Variants in CNTNAP2 observed in about 807,000 individuals in gnomAD.
CNTNAP2 encodes the protein contactin associated protein 2.
In CNTNAP2, 98 loss-of-function variants were observed where a neutral mutation model predicts 155.2. That is an observed-to-expected ratio of 0.63 (90% CI 0.54 to 0.75). The LOEUF (loss-of-function observed/expected upper bound fraction) is 0.75, where lower values mean the gene tolerates loss of function less well. CNTNAP2 is among the 30% of genes least tolerant of loss of function. The pLI is 0.00. For synonymous variants in CNTNAP2, 651 were observed against 631.2 expected, an observed-to-expected ratio of 1.03 and a Z score of -0.47; for missense variants, 1,727 against 1,688.1, an observed-to-expected ratio of 1.02 and a Z score of -0.40.
intron 1 of CNTNAP2, among the ~76,000 whole-genome samples, chr7:146,575,666 T>C (rs1237734172): frequency 1.3e-5 from 2 of 152,196 alleles, no homozygotes; most frequent in Non-Finnish European, 2.9e-5. Context: ...TGCCAACTTT[T>C]AAAACTGAAA....
At chr7:147,074,391 G>A (rs1458913086) in intron 4 of CNTNAP2, among the ~76,000 whole-genome samples, 1 of 152,064 alleles carries the variant, frequency 6.6e-6, no homozygotes, top group East Asian at 1.9e-4. Context: ...ATATGGCACT[G>A]CTACCAATCC....
intron 1 of CNTNAP2, among the ~76,000 whole-genome samples, chr7:146,401,225 T>C (rs979235355): frequency 3.9e-5 from 6 of 152,118 alleles, no homozygotes; most frequent in Admixed American, 3.9e-4. Flanking sequence ...AATCACTTTG[T>C]AGAATAAAAG....
chr7:148,200,408 T>TC (rs1554402877), intron 18 of CNTNAP2, among the ~76,000 whole-genome samples: 25 of 140,780 alleles, frequency 1.8e-4, no homozygotes, highest in Non-Finnish European at 2.9e-4. Flanking sequence ...TTTCTCTCTC[T>TC]TTTTTTTTTT....
At chr7:148,286,517 C>T (rs558625108) in intron 21 of CNTNAP2, among the ~76,000 whole-genome samples, 1 of 152,128 alleles carries the variant, frequency 6.6e-6, no homozygotes, top group African/African-American at 2.4e-5. Flanking sequence ...TTTTGTGGGC[C>T]TAATTACTAT....
intron 1 of CNTNAP2, among the ~76,000 whole-genome samples, chr7:146,165,663 A>G (rs1798301479): frequency 6.6e-6 from 1 of 152,218 alleles, no homozygotes; most frequent in East Asian, 1.9e-4. Context: ...TATGTCTTCA[A>G]TTAAAATCCC....
intron 1 of CNTNAP2, among the ~76,000 whole-genome samples, chr7:146,272,674 GCA>G (rs905700084): frequency 1.3e-5 from 2 of 152,016 alleles, no homozygotes; most frequent in East Asian, 3.9e-4. Flanking sequence ...GTGTGTATGT[GCA>G]CACACACATC....
chr7:146,900,380 C>T (rs115850715), intron 3 of CNTNAP2, among the ~76,000 whole-genome samples: 51 of 152,316 alleles, frequency 3.3e-4, no homozygotes, highest in African/African-American at 1.1e-3. Flanking sequence ...TGCTTCTAGT[C>T]CTGACCATCT....
intron 9 of CNTNAP2, among the ~76,000 whole-genome samples, chr7:147,348,556 C>A (rs1795917332): frequency 6.6e-6 from 1 of 151,828 alleles, no homozygotes; most frequent in African/African-American, 2.4e-5. Context: ...GGAATGTAAG[C>A]TAGTACAGCC....
At chr7:146,229,532 A>G (rs1421580834) in intron 1 of CNTNAP2, among the ~76,000 whole-genome samples, 4 of 152,150 alleles carry the variant, frequency 2.6e-5, no homozygotes, top group Admixed American at 6.6e-5. Context: ...CCTAGGTTAC[A>G]AGGTAATCCA....
At chr7:147,223,159 T>C (rs1357365608) in intron 8 of CNTNAP2, among the ~76,000 whole-genome samples, 1 of 152,212 alleles carries the variant, frequency 6.6e-6, no homozygotes, top group African/African-American at 2.4e-5. Flanking sequence ...GACTCCTTCA[T>C]ACTTAGCCTC....
intron 15 of CNTNAP2, among the ~76,000 whole-genome samples, chr7:147,981,191 CA>C (rs1035744000): frequency 2.6e-5 from 4 of 152,176 alleles, no homozygotes; most frequent in Admixed American, 1.3e-4. Flanking sequence ...AAAGATGGAA[CA>C]GAGAATAGAA....
At chr7:147,668,922 A>G (rs913792347) in intron 13 of CNTNAP2, among the ~76,000 whole-genome samples, 1 of 152,086 alleles carries the variant, frequency 6.6e-6, no homozygotes, top group Non-Finnish European at 1.5e-5. Context: ...CCAGTCCTGC[A>G]AGCTCCATTT....
chr7:146,215,579 C>T (rs527332688), intron 1 of CNTNAP2, among the ~76,000 whole-genome samples: 1 of 151,326 alleles, frequency 6.6e-6, no homozygotes, highest in African/African-American at 2.4e-5. Flanking sequence ...TTATGAAAAA[C>T]CATATATATT....
chr7:148,360,990 G>A (rs199720697), intron 21 of CNTNAP2, among the ~76,000 whole-genome samples: 1 of 151,832 alleles, frequency 6.6e-6, no homozygotes, highest in Non-Finnish European at 1.5e-5. Flanking sequence ...TGTATTTTTA[G>A]TAGAGACGGG....
chr7:147,229,085 A>T (rs1803619962), intron 8 of CNTNAP2, among the ~76,000 whole-genome samples: 1 of 152,084 alleles, frequency 6.6e-6, no homozygotes, highest in Non-Finnish European at 1.5e-5. Flanking sequence ...GAAACTCTTA[A>T]ATCCTAATAT....
intron 3 of CNTNAP2, among the ~76,000 whole-genome samples, chr7:146,840,919 A>G (rs900025985): frequency 6.6e-6 from 1 of 152,250 alleles, no homozygotes; most frequent in Non-Finnish European, 1.5e-5. Flanking sequence ...CTTTCAAGTC[A>G]TAATTATATG....
intron 1 of CNTNAP2, among the ~76,000 whole-genome samples, chr7:146,279,561 T>C (rs1800217523): frequency 6.6e-6 from 1 of 152,006 alleles, no homozygotes. Context: ...AATAATCTTA[T>C]TTAAAGGTAG....
At position 147,128,889 on chromosome 7, in the gene CNTNAP2, T is replaced by C. The variant is rs188871863; in HGVS notation, c.1083+53T>C. On this transcript the variant is annotated intron_variant, in intron 7 of 23. Coordinates refer to ENST00000361727, the MANE Select transcript of CNTNAP2 (RefSeq NM_014141.6). ...GTCTATAAAATATCAAGTAACATTT[T>C]TGTTTTTTGGATTATTGAACAACAA... The C allele has an allele frequency of 1.2e-4, 195 of 1,610,098 alleles. No individual in the cohort carries two copies. In the East Asian group the frequency reaches 4.2e-3, roughly 35 times the overall value.
At position 146,475,009 on chromosome 7, in the gene CNTNAP2, GCGCGCA is replaced by G. The variant is rs1209287431; in HGVS notation, c.98-299260_98-299255del. On this transcript the variant is annotated intron_variant, in intron 1 of 23. Coordinates refer to ENST00000361727, the MANE Select transcript of CNTNAP2 (RefSeq NM_014141.6). ...TGAGCACGAGCGCGCACGCGCGCGC[GCGCGCA>G]CACACACACACACACACACACACAC... 1.7e-3 allele frequency among the ~76,000 whole-genome samples: 223 copies of G among 129,598 alleles called. 1 individual carries two copies. The highest frequency in any genetic ancestry group is 6.2e-3 in the African/African-American group (202 of 32,338). The allele number at this position is 129,598 out of a possible 152,430, so 85.0% of individuals were successfully genotyped here. A position where few individuals can be genotyped will look rare whatever the true frequency, so the allele number is the denominator to read the frequency against.
Sources: gnomAD v4.1 joint callset for allele counts (sites outside exome capture counted in the v4.1 genomes callset) on GRCh38, gnomAD v4.1.1 for gene constraint, MANE v1.5 for transcripts, NCBI Gene and HGNC (gene_info 2026-07-23, HGNC 2026-07-21) for gene names.